Variants in CERS1 observed in about 807,000 individuals in gnomAD.
CERS1 encodes the protein ceramide synthase 1.
In CERS1, 16 loss-of-function variants were observed where a neutral mutation model predicts 35.7. The ratio of observed to expected loss-of-function variants is 0.45; its 90% confidence interval spans 0.30 to 0.68. CERS1 has a LOEUF of 0.68. CERS1 is among the 30% of genes least tolerant of loss of function. The pLI is 0.08. For synonymous variants in CERS1, 243 were observed against 201.6 expected, an observed-to-expected ratio of 1.21 and a Z score of -1.74; for missense variants, 454 against 453.9, an observed-to-expected ratio of 1.00 and a Z score of 0.00.
At chr19:18,881,976 ATTT>A (rs1237049383) in intron 3 of CERS1, 3 of 152,788 alleles carry the variant, frequency 2.0e-5, no homozygotes. Context: ...TGCCCAGCTA[ATTT>A]TTTTATTTTT....
chr19:18,889,788 GCCTT>G (rs2056448648), intron 2 of CERS1, among the ~76,000 whole-genome samples: 1 of 151,942 alleles, frequency 6.6e-6, no homozygotes, highest in Admixed American at 6.6e-5. Flanking sequence ...TGCCACCCCT[GCCTT>G]GTCTCCATCC....
intron 2 of CERS1, among the ~76,000 whole-genome samples, chr19:18,887,984 T>A (rs1257572135): frequency 6.6e-6 from 1 of 152,098 alleles, no homozygotes; most frequent in African/African-American, 2.4e-5. Flanking sequence ...TGTAGGAACC[T>A]CATATAAGTG....
intron 2 of CERS1, among the ~76,000 whole-genome samples, chr19:18,885,546 G>A (rs899966606): frequency 1.5e-4 from 21 of 140,968 alleles, no homozygotes; most frequent in African/African-American, 5.7e-4. Flanking sequence ...TTGAGATGGA[G>A]TCTTGCTCTG....
In CERS1 at chr19:18,868,752, C is replaced by T. The variant is rs2055901062; in HGVS notation, c.*1233G>A. ...CCCGGGGCGGCCGCGTGCATGAGCG[C>T]GCGCAGCACAGCGTGGTTGAGCGCC... On this transcript the variant is annotated 3_prime_UTR_variant, in exon 8 of 8. Transcript: ENST00000623882. 2 of 1,518,634 alleles carry T rather than the reference C, an allele frequency of 1.3e-6. No homozygotes were observed. The highest frequency in any genetic ancestry group is 1.8e-6 in the Non-Finnish European group (2 of 1,128,378). The allele number at this position is 1,518,634 out of a possible 1,614,324, so 94.1% of individuals were successfully genotyped here. A position where few individuals can be genotyped will look rare whatever the true frequency, so the allele number is the denominator to read the frequency against.
rs1568292063 is a variant in CERS1, at chr19:18,870,638, G to C, written c.1011-19C>G. 9.0e-6 allele frequency: 5 copies of C among 554,830 alleles called. No homozygotes were observed. The highest frequency in any genetic ancestry group is 9.8e-6 in the Non-Finnish European group (3 of 306,798). 34.4% of individuals were successfully genotyped at this position (554,830 alleles called of 1,614,324 possible). A position where few individuals can be genotyped will look rare whatever the true frequency, so the allele number is the denominator to read the frequency against. Reference sequence around the variant, plus strand: ...TGGCTTCCTGGGGGTCAGAACCGGCGCAGGTTAGCCTGGGAGCCCCACGCG... The same window carrying C: ...TGGCTTCCTGGGGGTCAGAACCGGCCCAGGTTAGCCTGGGAGCCCCACGCG... On this transcript the variant is annotated intron_variant, in intron 6 of 7. Coordinates refer to ENST00000623882, the MANE Select transcript of CERS1 (RefSeq NM_021267.5). This position sits in a 1 kb window ranked among gnomAD's most constrained non-coding sequence, Gnocchi z 5.1.
intron 2 of CERS1, among the ~76,000 whole-genome samples, chr19:18,892,396 T>G (rs879139147): frequency 6.6e-6 from 1 of 151,828 alleles, no homozygotes; most frequent in African/African-American, 2.4e-5. Context: ...GGGCAGATCA[T>G]GAGATCAGGA....
intron 2 of CERS1, among the ~76,000 whole-genome samples, chr19:18,887,702 C>A (rs2146047360): frequency 6.6e-6 from 1 of 151,268 alleles, no homozygotes; most frequent in East Asian, 1.9e-4. Context: ...CGAGATCACA[C>A]CACTGCACTC....
rs773933484 is a variant in CERS1 at position 18,870,109 on chromosome 19, G to C, written c.*468C>G. 6.4e-7 allele frequency: 1 copy of C among 1,568,686 alleles called. No homozygotes were observed. Among genetic ancestry groups the C allele is most frequent in the Non-Finnish European group, 8.6e-7 (1 of 1,162,126 alleles). On this transcript the variant is annotated 3_prime_UTR_variant, in exon 7 of 8. Coordinates refer to ENST00000623882, the MANE Select transcript of CERS1 (RefSeq NM_021267.5). This position sits in a 1 kb window ranked among gnomAD's most constrained non-coding sequence, Gnocchi z 5.1. Reference sequence around the variant, plus strand: ...CTGGTCTCCTGGGGGTCCCGGCGTCGAAACAGGCGCCACATGACCGGGGGA... The same window carrying C: ...CTGGTCTCCTGGGGGTCCCGGCGTCCAAACAGGCGCCACATGACCGGGGGA...
intron 6 of CERS1, among the ~76,000 whole-genome samples, chr19:18,875,335 C>G (rs1391096059): frequency 2.6e-5 from 4 of 151,818 alleles, no homozygotes; most frequent in Non-Finnish European, 1.5e-5. Flanking sequence ...CACTTGAGGT[C>G]AGGAGTTCAA....
Position 18,870,014 on chromosome 19 carries a change from G to A in CERS1, c.*563C>T, listed in dbSNP as rs201674224. ...CCGGGATGTGGCGCACGATGTTTCC[G>A]GCGACCCCCAGCTCCTCCACGTGGC... On this transcript the variant is annotated 3_prime_UTR_variant, in exon 7 of 8. Transcript: ENST00000623882. The surrounding 1 kb of genome is among the most constrained non-coding windows in gnomAD (Gnocchi z 5.1). The A allele has an allele frequency of 4.4e-6, 7 of 1,597,038 alleles. No homozygotes were observed. The highest frequency in any genetic ancestry group is 1.3e-5 in the African/African-American group (1 of 74,706).
Position 18,893,407 on chromosome 19 carries a change from G to T in CERS1, c.409+9C>A. Reference sequence around the variant, plus strand: ...AGAGCCCTCCCGGCCATCCCCTCAGGGCCCCTACCGTAGAAGACAGATGGT... The same window carrying T: ...AGAGCCCTCCCGGCCATCCCCTCAGTGCCCCTACCGTAGAAGACAGATGGT... On this transcript the variant is annotated intron_variant, in intron 2 of 7. Transcript: ENST00000623882. The T allele has an allele frequency of 6.3e-7, 1 of 1,597,800 alleles. No individual in the cohort carries two copies.
At chr19:18,885,366 A>T (rs1421263003) in intron 2 of CERS1, among the ~76,000 whole-genome samples, 2 of 150,394 alleles carry the variant, frequency 1.3e-5, no homozygotes, top group Non-Finnish European at 3.0e-5. Flanking sequence ...ATGCCTAGAT[A>T]ATTTATTTCT....
At chr19:18,871,764 A>G (rs571686101) in intron 6 of CERS1, among the ~76,000 whole-genome samples, 107 of 152,296 alleles carry the variant, frequency 7.0e-4, no homozygotes, top group African/African-American at 2.2e-3. Flanking sequence ...CTGAGAGGAG[A>G]TAAGCCTTGC....
intron 6 of CERS1, among the ~76,000 whole-genome samples, chr19:18,875,189 T>C (rs1018659611): frequency 4.0e-5 from 6 of 151,334 alleles, no homozygotes; most frequent in South Asian, 2.1e-4. Flanking sequence ...TGGACTATGA[T>C]TGAGCCAGTG....
intron 2 of CERS1, among the ~76,000 whole-genome samples, chr19:18,892,379 C>A (rs1323880533): frequency 6.6e-6 from 1 of 151,924 alleles, no homozygotes; most frequent in African/African-American, 2.4e-5. Flanking sequence ...CTTTGGGAGG[C>A]TGAGGCGGGC....
Position 18,870,604 on chromosome 19 carries a change from G to T in CERS1, c.1026C>A (p.Asn342Lys). 1 of 580,318 alleles carries T rather than the reference G, an allele frequency of 1.7e-6. No homozygotes were observed. The highest frequency in any genetic ancestry group is 3.1e-6 in the Non-Finnish European group (1 of 320,438). The allele number at this position is 580,318 out of a possible 1,614,324, so 35.9% of individuals were successfully genotyped here. Residue 342 changes from asparagine to lysine, a missense_variant, in exon 7 of 8, where the codon AAC becomes AAA. Coordinates refer to ENST00000623882, the MANE Select transcript of CERS1 (RefSeq NM_021267.5). This position sits in a 1 kb window ranked among gnomAD's most constrained non-coding sequence, Gnocchi z 5.1. ...AGAAGCGCTTGTCCTTCACCAGGCC[G>T]TTCCTCAGTGGCTTCCTGGGGGTCA... ...KPSKAEKPLR[N>K]GLVKDKRF
At chr19:18,894,803 C>A (rs988648276) in intron 1 of CERS1, among the ~76,000 whole-genome samples, 2 of 152,238 alleles carry the variant, frequency 1.3e-5, no homozygotes, top group East Asian at 3.9e-4. Context: ...CCATCATCGA[C>A]CTCACAAGGG....
At chr19:18,887,597 T>G (rs1360699459) in intron 2 of CERS1, among the ~76,000 whole-genome samples, 1 of 151,666 alleles carries the variant, frequency 6.6e-6, no homozygotes, top group Non-Finnish European at 1.5e-5. Flanking sequence ...ATACAAAAAT[T>G]AGCTGGGCAT....
At chr19:18,886,352 A>G (rs182974729) in intron 2 of CERS1, among the ~76,000 whole-genome samples, 7 of 152,272 alleles carry the variant, frequency 4.6e-5, no homozygotes, top group East Asian at 1.9e-4. Flanking sequence ...GATCAAGACC[A>G]TCCTGGTTAA....
Sources: allele counts gnomAD v4.1 joint callset (sites outside exome capture counted in the v4.1 genomes callset), GRCh38; gene constraint gnomAD v4.1.1; non-coding constraint Gnocchi (gnomAD v3.1); transcripts MANE v1.5; gene names NCBI Gene and HGNC (gene_info 2026-07-23, HGNC 2026-07-21).